The following SHISA9 variants were observed in gnomAD, a reference collection of about 807,000 sequenced individuals.
SHISA9 encodes the protein protein shisa-9.
In SHISA9, 13 loss-of-function variants were observed where a neutral mutation model predicts 38.0. That is an observed-to-expected ratio of 0.34 (90% CI 0.22 to 0.54). The LOEUF (loss-of-function observed/expected upper bound fraction) is 0.54, where lower values mean the gene tolerates loss of function less well. Among genes scored for constraint, SHISA9 ranks in the 20% least tolerant of loss-of-function variants. SHISA9 has a pLI of 0.91. For synonymous variants in SHISA9, 275 were observed against 242.0 expected (o/e 1.14, Z -1.27); for missense variants, 538 against 575.8 (o/e 0.93, Z 0.67).
downstream of SHISA9, among the ~76,000 whole-genome samples, chr16:13,240,907 C>T (rs1186456063): frequency 7.2e-6 from 1 of 138,044 alleles, no homozygotes; most frequent in African/African-American, 2.8e-5. Context: ...GAAAGAGGCT[C>T]GGAGATTAGG....
At chr16:13,223,853 T>C (rs384971) in intron 4 of SHISA9, among the ~76,000 whole-genome samples, 68,615 of 151,980 alleles carry the variant, frequency 0.45, 15,842 homozygotes, top group South Asian at 0.55. Context: ...TCATTGTCCA[T>C]TGCAGGCAAT....
At chr16:13,007,100 T>C (rs897832385) in intron 2 of SHISA9, among the ~76,000 whole-genome samples, 3 of 152,184 alleles carry the variant, frequency 2.0e-5, no homozygotes, top group Non-Finnish European at 4.4e-5. Flanking sequence ...TTCTAGATAC[T>C]AGAGATAATA....
the SHISA9 span, among the ~76,000 whole-genome samples, chr16:13,417,636 C>T: frequency 6.6e-6 from 1 of 152,236 alleles, no homozygotes; most frequent in Non-Finnish European, 1.5e-5. Flanking sequence ...AGTGGCTTGA[C>T]TGAATGTCAT....
intron 2 of SHISA9, among the ~76,000 whole-genome samples, chr16:12,951,679 C>A (rs1350553611): frequency 6.6e-6 from 1 of 152,096 alleles, no homozygotes; most frequent in African/African-American, 2.4e-5. Context: ...GGGGAGGAAC[C>A]ACCAGTGTGT....
At chr16:13,515,059 A>G in the SHISA9 span, among the ~76,000 whole-genome samples, 2 of 152,176 alleles carry the variant, frequency 1.3e-5, no homozygotes, top group Non-Finnish European at 2.9e-5. Context: ...AGTACTAAAG[A>G]AAAAAGTCTG....
chr16:13,218,004 T>C (rs1056505596), intron 4 of SHISA9, among the ~76,000 whole-genome samples: 1 of 119,792 alleles, frequency 8.3e-6, no homozygotes, highest in Non-Finnish European at 1.6e-5. Flanking sequence ...CACTCCAACC[T>C]GAGAGAGAAG....
chr16:13,290,668 C>T, the SHISA9 span, among the ~76,000 whole-genome samples: 1 of 152,144 alleles, frequency 6.6e-6, no homozygotes, highest in African/African-American at 2.4e-5. Flanking sequence ...ACACAACCCC[C>T]TGCCTCCCTC....
the SHISA9 span, among the ~76,000 whole-genome samples, chr16:13,416,739 AAAGAAAGG>A: frequency 2.1e-3 from 212 of 99,080 alleles, 2 homozygotes; most frequent in Middle Eastern, 8.7e-3. Flanking sequence ...AGAAAGAAAG[AAAGAAAGG>A]AAGGAAGGAA....
chr16:13,187,430 G>A (rs1260472226), intron 2 of SHISA9, among the ~76,000 whole-genome samples: 1 of 146,212 alleles, frequency 6.8e-6, no homozygotes, highest in Non-Finnish European at 1.5e-5. Context: ...CACCTCCTGT[G>A]TTCAAGCGAT....
At chr16:12,976,663 T>C (rs1219296220) in intron 2 of SHISA9, among the ~76,000 whole-genome samples, 2 of 152,128 alleles carry the variant, frequency 1.3e-5, no homozygotes, top group Admixed American at 6.5e-5. Context: ...AAGGTGTAGA[T>C]GTTGCTTTCT....
intron 2 of SHISA9, among the ~76,000 whole-genome samples, chr16:12,992,456 C>T (rs1041654651): frequency 2.3e-4 from 35 of 151,908 alleles, no homozygotes; most frequent in Middle Eastern, 3.2e-3. Flanking sequence ...CGCTTGAACC[C>T]GGGAGGCAGA....
intron 2 of SHISA9, among the ~76,000 whole-genome samples, chr16:13,059,723 T>C (rs1171966909): frequency 6.6e-6 from 1 of 152,092 alleles, no homozygotes; most frequent in Non-Finnish European, 1.5e-5. Flanking sequence ...CCGATATTAT[T>C]ATATAACCAC....
At chr16:13,437,215 T>A in the SHISA9 span, among the ~76,000 whole-genome samples, 8 of 151,976 alleles carry the variant, frequency 5.3e-5, no homozygotes, top group Non-Finnish European at 1.0e-4. Context: ...CAAAAAAAAA[T>A]GTCATGGAAA....
chr16:13,066,166 A>G (rs575147560), intron 2 of SHISA9, among the ~76,000 whole-genome samples: 6 of 152,294 alleles, frequency 3.9e-5, no homozygotes, highest in Non-Finnish European at 7.4e-5. Context: ...GAGATGGAAG[A>G]TGCATGGAGA....
chr16:13,312,335 C>T, the SHISA9 span, among the ~76,000 whole-genome samples: 2 of 152,204 alleles, frequency 1.3e-5, no homozygotes, highest in Non-Finnish European at 2.9e-5. Flanking sequence ...TCCTGTAACC[C>T]TTCTGGCATC....
intron 2 of SHISA9, among the ~76,000 whole-genome samples, chr16:13,151,405 T>C (rs150069): frequency 0.51 from 77,868 of 151,988 alleles, 21,408 homozygotes; most frequent in Non-Finnish European, 0.6. Flanking sequence ...CCACACCCAG[T>C]CACTTTGATT....
At chr16:13,456,476 T>G in the SHISA9 span, among the ~76,000 whole-genome samples, 1 of 152,352 alleles carries the variant, frequency 6.6e-6, no homozygotes, top group Middle Eastern at 3.4e-3. Flanking sequence ...GGGGCAATTC[T>G]GGGATGCCGA....
chr16:13,043,412 C>T (rs11648763), intron 2 of SHISA9, among the ~76,000 whole-genome samples: 93,379 of 152,044 alleles, frequency 0.61, 29,415 homozygotes, highest in Middle Eastern at 0.73. Context: ...CTTCCCACCA[C>T]GGGAGGGTAT....
chr16:13,172,344 C>T (rs930141145), intron 2 of SHISA9, among the ~76,000 whole-genome samples: 1 of 152,194 alleles, frequency 6.6e-6, no homozygotes, highest in African/African-American at 2.4e-5. Flanking sequence ...GTCCAAAGTG[C>T]ACAAGAAGTC....
Sources: allele counts gnomAD v4.1 joint callset (sites outside exome capture counted in the v4.1 genomes callset), GRCh38; gene constraint gnomAD v4.1.1; transcripts MANE v1.5; gene names NCBI Gene and HGNC (gene_info 2026-07-23, HGNC 2026-07-21).